IGFL4: variants seen among roughly 807,000 people sequenced by gnomAD.
IGFL4 encodes the protein IGF like family member 4, also known as insulin growth factor-like family member 4.
IGFL4 carries 12 observed loss-of-function variants against 15.4 expected under a neutral mutation model. The ratio of observed to expected loss-of-function variants is 0.78; its 90% CI spans 0.50 to 1.26. The LOEUF is 1.26. IGFL4 is among the 50% of genes most tolerant of loss of function. The pLI, the probability that IGFL4 is intolerant of heterozygous loss-of-function variation, is 0.00. For missense variants in IGFL4, 126 were observed against 147.8 expected (o/e 0.85, Z 0.76); for synonymous variants, 54 against 55.9 (o/e 0.97, Z 0.16).
At chr19:46,054,731 A>T (rs1969377796) in intron 2 of IGFL4, among the ~76,000 whole-genome samples, 1 of 152,194 alleles carries the variant, frequency 6.6e-6, no homozygotes, top group Non-Finnish European at 1.5e-5. Flanking sequence ...AGCCTCTGTA[A>T]TCTCAAAGAG....
In IGFL4 at chr19:46,074,344, G is replaced by A. The variant is rs1025178689; in HGVS notation, c.-432+2676C>T. ...CTTATTATTGTGGGACCTTGTGATC[G>A]TGTGAGTTAACACTACTTAATAAAC... On this transcript the variant is annotated intron_variant, in intron 1 of 5. Transcript: ENST00000601672. Among the ~76,000 whole-genome samples the A allele has an allele frequency of 4.0e-5, 6 of 151,100 alleles. No homozygotes were observed. The East Asian group carries it at 5.8e-4, about 15-fold the overall frequency.
rs542364246 is a variant in IGFL4, at chr19:46,055,369, T to C, written c.-323+4816A>G. On this transcript the variant is annotated intron_variant, in intron 2 of 5. Transcript: ENST00000601672. The stretch of plus-strand genomic sequence containing the variant: ...CAGCTTCCTGGGTAGCCAGGACAGG[T>C]GTGTGCCACCAGGCTAATCTTCAGT... Among the ~76,000 whole-genome samples the C allele has an allele frequency of 7.2e-5, 11 of 152,258 alleles. 1 individual carries two copies. The highest frequency in any genetic ancestry group is 2.1e-4 in the South Asian group (1 of 4,824).
intron 2 of IGFL4, among the ~76,000 whole-genome samples, chr19:46,048,291 T>A (rs575701796): frequency 1.3e-5 from 2 of 152,266 alleles, no homozygotes; most frequent in East Asian, 3.9e-4. Flanking sequence ...AAGCCATATA[T>A]GACAAACTCA....
intron 1 of IGFL4, among the ~76,000 whole-genome samples, chr19:46,072,285 AG>A (rs1969553870): frequency 1.3e-5 from 2 of 152,208 alleles, no homozygotes; most frequent in Non-Finnish European, 2.9e-5. Flanking sequence ...AGTATAGCAC[AG>A]CAGTTCCGCA....
chr19:46,047,174 G>A (rs1049191790), intron 2 of IGFL4, among the ~76,000 whole-genome samples: 4 of 152,136 alleles, frequency 2.6e-5, no homozygotes, highest in Non-Finnish European at 5.9e-5. Context: ...TGAAATCAAG[G>A]CAGAAAGCAA....
At position 46,040,129 on chromosome 19, in the gene IGFL4, A is replaced by T; in HGVS notation, c.330+28T>A. The T allele has an allele frequency of 6.2e-7, 1 of 1,611,250 alleles. No homozygotes were observed. On this transcript the variant is annotated intron_variant, in intron 3 of 3. Coordinates refer to ENST00000377697, the MANE Select transcript of IGFL4 (RefSeq NM_001002923.3). The surrounding 1 kb of genome is among the most constrained non-coding windows in gnomAD (Gnocchi z 4.1). Reference sequence around the variant, plus strand: ...GCTCCATTCCCTACTCCCCCCTCCCACAGCCTGGACTGGAGTCAGATCCTT... The same window carrying T: ...GCTCCATTCCCTACTCCCCCCTCCCTCAGCCTGGACTGGAGTCAGATCCTT...
chr19:46,047,013 C>T (rs762109451), intron 2 of IGFL4, among the ~76,000 whole-genome samples: 35 of 152,196 alleles, frequency 2.3e-4, no homozygotes, highest in Non-Finnish European at 4.0e-4. Flanking sequence ...GTAAAACACT[C>T]CTCGCAAAAG....
chr19:46,072,416 T>C (rs1313847762), intron 1 of IGFL4, among the ~76,000 whole-genome samples: 1 of 152,232 alleles, frequency 6.6e-6, no homozygotes, highest in Admixed American at 6.5e-5. Flanking sequence ...AAGACTGGTC[T>C]GCACATGCAC....
intron 2 of IGFL4, among the ~76,000 whole-genome samples, chr19:46,052,690 C>T (rs1418324399): frequency 6.7e-6 from 1 of 150,084 alleles, no homozygotes; most frequent in African/African-American, 2.5e-5. Context: ...CCATTGCACT[C>T]CAGCCTGGGC....
chr19:46,059,181 G>C (rs1028223815), intron 2 of IGFL4: 1 of 152,222 alleles, frequency 6.6e-6, no homozygotes, highest in African/African-American at 2.4e-5. Context: ...CATCCGGTGA[G>C]TTAGAATGCC....
chr19:46,059,814 A>G (rs1969427786), intron 2 of IGFL4: 1 of 152,196 alleles, frequency 6.6e-6, no homozygotes, highest in Admixed American at 6.5e-5. Flanking sequence ...TGAATCTCAG[A>G]TAAGACTTTT....
chr19:46,077,323 C>G (rs1279908330), upstream of IGFL4, among the ~76,000 whole-genome samples: 1 of 151,998 alleles, frequency 6.6e-6, no homozygotes, highest in Admixed American at 6.5e-5. The surrounding 1 kb of genome is among the most constrained non-coding windows in gnomAD (Gnocchi z 5.4). Context: ...TGGCTCAAAT[C>G]CCCGTGGAAG....
intron 1 of IGFL4, among the ~76,000 whole-genome samples, chr19:46,076,050 G>A (rs1969592445): frequency 6.6e-6 from 1 of 152,160 alleles, no homozygotes; most frequent in African/African-American, 2.4e-5. Flanking sequence ...TGCAGAGTCA[G>A]TGTTTGGTGA....
At chr19:46,041,538 A>T (rs576585370), upstream of IGFL4, among the ~76,000 whole-genome samples, 1 of 152,206 alleles carries the variant, frequency 6.6e-6, no homozygotes, top group Admixed American at 6.5e-5. Flanking sequence ...CAACAACAAA[A>T]ATAGGCGGTG....
At chr19:46,065,680 A>G (rs1345365378) in intron 1 of IGFL4, among the ~76,000 whole-genome samples, 1 of 152,262 alleles carries the variant, frequency 6.6e-6, no homozygotes, top group South Asian at 2.1e-4. Flanking sequence ...CCTTTCCAAG[A>G]AAGAATGAGT....
chr19:46,068,650 G>T (rs1600678972), intron 1 of IGFL4, among the ~76,000 whole-genome samples: 1 of 152,176 alleles, frequency 6.6e-6, no homozygotes, highest in Non-Finnish European at 1.5e-5. Context: ...TCTGTGGGCG[G>T]CCTCTGACTC....
chr19:46,048,003 A>G (rs1398348829), intron 2 of IGFL4, among the ~76,000 whole-genome samples: 1 of 152,224 alleles, frequency 6.6e-6, no homozygotes, highest in Non-Finnish European at 1.5e-5. Context: ...GATGAACATC[A>G]ATGCAAAAAA....
intron 2 of IGFL4, among the ~76,000 whole-genome samples, chr19:46,054,502 C>T (rs915220655): frequency 2.0e-5 from 3 of 152,150 alleles, no homozygotes; most frequent in Admixed American, 6.5e-5. Context: ...ATTTTGGTTA[C>T]GACAGCTTCG....
intron 1 of IGFL4, among the ~76,000 whole-genome samples, chr19:46,074,234 G>A (rs1004981334): frequency 2.6e-5 from 4 of 151,406 alleles, no homozygotes; most frequent in South Asian, 4.2e-4. Flanking sequence ...CAAGAAATCT[G>A]TATTAGTCAG....
Sources: allele counts gnomAD v4.1 joint callset (sites outside exome capture counted in the v4.1 genomes callset), GRCh38; gene constraint gnomAD v4.1.1; non-coding constraint Gnocchi (gnomAD v3.1); transcripts MANE v1.5; gene names NCBI Gene and HGNC (gene_info 2026-07-23, HGNC 2026-07-21).